Variants in CSPP1 observed in about 807,000 individuals in gnomAD.
The protein encoded by CSPP1 is centrosome and spindle pole associated protein 1, also known as centrosome and spindle pole-associated protein 1.
CSPP1 carries 126 observed loss-of-function variants against 164.4 expected under a neutral mutation model. That is an observed-to-expected ratio of 0.77 (90% CI 0.66 to 0.89). The LOEUF is 0.89. Ranked by LOEUF, CSPP1 falls within the 40% of genes least tolerant of loss-of-function variation. The pLI, the probability that CSPP1 is intolerant of heterozygous loss-of-function variation, is 0.00. For synonymous variants in CSPP1, 472 were observed against 476.7 expected (o/e 0.99, Z 0.13); for missense variants, 1,395 against 1,449.8 (o/e 0.96, Z 0.61).
chr8:67,132,761 A>G (rs1821491149), intron 16 of CSPP1, among the ~76,000 whole-genome samples: 1 of 152,200 alleles, frequency 6.6e-6, no homozygotes, highest in Admixed American at 6.5e-5. Context: ...AATGGGGAAT[A>G]CAGGTAGTAG....
At chr8:67,095,166 A>C in intron 6 of CSPP1, 127 bp from the exon 7 acceptor site, 1 of 534,336 alleles carries the variant, frequency 1.9e-6, no homozygotes, top group Non-Finnish European at 3.2e-6. Context: ...ATATATATAA[A>C]TATATGGGTG....
At chr8:67,078,348 T>TC (rs746014451) in intron 3 of CSPP1, among the ~76,000 whole-genome samples, 31 of 152,122 alleles carry the variant, frequency 2.0e-4, no homozygotes, top group Admixed American at 5.2e-4. Context: ...CTCCTTAACA[T>TC]CTTTTTTTTT....
chr8:67,139,775 T>C (rs1201846201), intron 17 of CSPP1, among the ~76,000 whole-genome samples: 1 of 151,970 alleles, frequency 6.6e-6, no homozygotes, highest in Non-Finnish European at 1.5e-5. Context: ...TTCTCACTCA[T>C]AGGTGGGAAT....
In CSPP1 at chr8:67,074,250, A is replaced by G. The variant is rs1315585323; in HGVS notation, c.-3A>G. On this transcript the variant is annotated 5_prime_UTR_variant, in exon 2 of 31. Transcript: ENST00000678616. Reference sequence around the variant, plus strand: ...TGAAATTTTTTTTTAAAGAATCTGCAAAATGGCTGATAATTTGGATGAATT... The same window carrying G: ...TGAAATTTTTTTTTAAAGAATCTGCGAAATGGCTGATAATTTGGATGAATT... 2.5e-6 allele frequency: 4 copies of G among 1,604,008 alleles called. No individual in the cohort carries two copies. The highest frequency in any genetic ancestry group is 3.4e-6 in the Non-Finnish European group (4 of 1,174,492).
rs1982521 is a variant in CSPP1 at position 67,112,441 on chromosome 8, A to T, written c.1187+376A>T. On this transcript the variant is annotated intron_variant, in intron 10 of 30. Coordinates refer to ENST00000678616, the MANE Select transcript of CSPP1 (RefSeq NM_001382391.1). ...TGAAATGGTATGCACACACACATAC[A>T]TGCAAAAAAAATTGTATCCTATAAA... Among the ~76,000 whole-genome samples the T allele has an allele frequency of 2.0e-5, 3 of 152,024 alleles. No individual in the cohort carries two copies. The East Asian group carries it at 5.8e-4, about 29-fold the overall frequency.
Position 67,177,675 on chromosome 8 carries a change from TAC to T in CSPP1, c.3110-3_3110-2del. 1 of 1,604,932 alleles carries T rather than the reference TAC, an allele frequency of 6.2e-7. No individual in the cohort carries two copies. The highest frequency in any genetic ancestry group is 8.5e-7 in the Non-Finnish European group (1 of 1,172,272). On this transcript the variant is annotated splice_region_variant and splice_polypyrimidine_tract_variant and intron_variant, in intron 26 of 30. Coordinates refer to ENST00000678616, the MANE Select transcript of CSPP1 (RefSeq NM_001382391.1). ...TAATTTGCTTTTGTTCTCCATTGAC[TAC>T]AGTTGACTTAGATGCCATCCCAAGT...
intron 15 of CSPP1, among the ~76,000 whole-genome samples, chr8:67,130,047 A>G (rs1366934308): frequency 6.6e-6 from 1 of 152,208 alleles, no homozygotes; most frequent in Non-Finnish European, 1.5e-5. Context: ...ACTTCAATAG[A>G]AAGTACAATA....
Position 67,195,649 on chromosome 8 carries a change from T to G in CSPP1, c.*56T>G, listed in dbSNP as rs1338074950. ...TTTAAGGTGAAAGGAATGGTAAATC[T>G]GTACCTTTAATATGTCCTACTTTTG... On this transcript the variant is annotated 3_prime_UTR_variant, in exon 31 of 31. Transcript: ENST00000678616. 1.8e-5 allele frequency: 27 copies of G among 1,476,012 alleles called. No individual in the cohort carries two copies. Among genetic ancestry groups the G allele is most frequent in the Non-Finnish European group, 2.5e-5 (27 of 1,064,030 alleles). 91.4% of individuals were successfully genotyped at this position (1,476,012 alleles called of 1,614,324 possible).
chr8:67,159,920 CTTTCCTTT>C (rs1302152695), intron 21 of CSPP1, among the ~76,000 whole-genome samples: 2 of 51,294 alleles, frequency 3.9e-5, no homozygotes, highest in African/African-American at 8.2e-5. Context: ...TTCTTTCTTT[CTTTCCTTT>C]CCTTCCTTCC....
At chr8:67,162,679 A>C (rs1280516805) in intron 22 of CSPP1, among the ~76,000 whole-genome samples, 1 of 152,122 alleles carries the variant, frequency 6.6e-6, no homozygotes, top group African/African-American at 2.4e-5. Context: ...GGCAAGACTA[A>C]ACATGGAGAT....
chr8:67,158,312 C>A, intron 19 of CSPP1, 135 bp from the exon 20 acceptor site: 3 of 929,604 alleles, frequency 3.2e-6, no homozygotes, highest in South Asian at 4.9e-5. Flanking sequence ...CCTGAAAATA[C>A]AGGAGACTGA....
chr8:67,080,180 A>G (rs1291529927), intron 3 of CSPP1, among the ~76,000 whole-genome samples: 1 of 152,222 alleles, frequency 6.6e-6, no homozygotes, highest in Admixed American at 6.5e-5. Flanking sequence ...GGTCTCATTT[A>G]GGAATTATAA....
Position 67,195,012 on chromosome 8 carries a change from T to C in CSPP1, c.3470-370T>C, listed in dbSNP as rs191717674. On this transcript the variant is annotated intron_variant, in intron 30 of 30. Transcript: ENST00000678616. Reference sequence around the variant, plus strand: ...AAAGAAAAAAGAAAGAAATTTTATGTGTAGCCATTAGGCTTCTCCTGAGGT... The same window carrying C: ...AAAGAAAAAAGAAAGAAATTTTATGCGTAGCCATTAGGCTTCTCCTGAGGT... Among the ~76,000 whole-genome samples the C allele has an allele frequency of 8.3e-3, 1,270 of 152,352 alleles. 8 individuals carry two copies. The highest frequency in any genetic ancestry group is 0.014 in the Middle Eastern group (4 of 294).
In CSPP1 at chr8:67,132,081, G is replaced by T; in HGVS notation, c.1827+1G>T. 2 of 1,611,562 alleles carry T rather than the reference G, an allele frequency of 1.2e-6. No homozygotes were observed. Among genetic ancestry groups the T allele is most frequent in the South Asian group, 2.2e-5 (2 of 90,524 alleles). ...TTACCAAGAGGCTTTGCAGCAGCAG[G>T]TATTGATTCATTTACTCATTTACTG... On this transcript the variant is annotated splice_donor_variant, in intron 16 of 30. Transcript: ENST00000678616. LOFTEE classifies it high-confidence loss of function.
chr8:67,076,545 A>T lies in CSPP1; in HGVS notation c.163A>T (p.Ile55Leu). The change falls in exon 3 of 31, where the codon ATA (isoleucine) becomes TTA (leucine). Residue 55 changes from isoleucine to leucine, a missense_variant. Ile to Leu is a conservative substitution (Grantham distance 5, BLOSUM62 2). Coordinates refer to ENST00000678616, the MANE Select transcript of CSPP1 (RefSeq NM_001382391.1). ...KILISMAKENIPPNSQQTRGS... is the reference protein window; with the variant it reads ...KILISMAKENLPPNSQQTRGS... ...ACTGATCTCTATGGCTAAGGAAAAC[A>T]TACCACCAAATAGTCAACAGACCAG... 1 of 1,602,568 alleles carries T rather than the reference A, an allele frequency of 6.2e-7. No homozygotes were observed. The highest frequency in any genetic ancestry group is 8.5e-7 in the Non-Finnish European group (1 of 1,174,822).
chr8:67,093,699 T>A, intron 6 of CSPP1, 58 bp downstream of exon 6: 1 of 977,550 alleles, frequency 1.0e-6, no homozygotes, highest in Non-Finnish European at 1.5e-6. Context: ...GAATATTTTG[T>A]ACTTGAAAAG....
At chr8:67,112,232 GA>G (rs1414320047) in intron 10 of CSPP1, among the ~76,000 whole-genome samples, 167 bp downstream of exon 10, 1 of 148,730 alleles carries the variant, frequency 6.7e-6, no homozygotes, top group African/African-American at 2.5e-5. Context: ...AATACTAAGA[GA>G]GTTTTTTTTT....
intron 15 of CSPP1, among the ~76,000 whole-genome samples, chr8:67,131,676 T>C (rs1821263098): frequency 6.6e-6 from 1 of 152,224 alleles, no homozygotes; most frequent in Non-Finnish European, 1.5e-5. Context: ...ATGTGTACTG[T>C]TCAATGAATT....
chr8:67,070,356 G>A (rs867571950), intron 1 of CSPP1, among the ~76,000 whole-genome samples: 5 of 151,608 alleles, frequency 3.3e-5, no homozygotes, highest in African/African-American at 9.7e-5. Flanking sequence ...TCAGCTACTC[G>A]GGAGGCTGAG....
Sources: gnomAD v4.1 joint callset for allele counts (sites outside exome capture counted in the v4.1 genomes callset) on GRCh38, gnomAD v4.1.1 for gene constraint, MANE v1.5 for transcripts, NCBI Gene and HGNC (gene_info 2026-07-23, HGNC 2026-07-21) for gene names.